The following MDN1 variants were observed in gnomAD, a reference collection of about 807,000 sequenced individuals.
MDN1 encodes the protein midasin AAA ATPase 1, also known as midasin.
A neutral mutation model predicts 669.2 loss-of-function variants in MDN1; 266 were observed. That is an observed-to-expected ratio of 0.40 (90% CI 0.36 to 0.44). The LOEUF (loss-of-function observed/expected upper bound fraction) is 0.44, where lower values mean the gene tolerates loss of function less well. Ranked by LOEUF, MDN1 falls within the 20% of genes least tolerant of loss-of-function variation. The pLI is 1.00. For missense variants in MDN1, 5,940 were observed against 6,754.0 expected, an observed-to-expected ratio of 0.88 and a Z score of 4.22; for synonymous variants, 2,385 against 2,457.1, an observed-to-expected ratio of 0.97 and a Z score of 0.87.
Position 89,674,223 on chromosome 6 carries a change from C to T in MDN1, c.13128G>A (p.Gln4376=), listed in dbSNP as rs1350443324. Residue 4376 remains glutamine, a synonymous_variant, in exon 79 of 102, where the codon CAG becomes CAA. Transcript: ENST00000369393. ...TAGTTGACTGTTGCCAAAGGTGATC[C>T]TGTTTCCGCATCCGGCAACCAGAGG... ...QLPSGCRMRK[Q]DHLWQQSTTR... is the part of the protein sequence containing the mutation. The T allele has an allele frequency of 1.9e-6, 3 of 1,614,094 alleles. No homozygotes were observed. In the African/African-American group the frequency reaches 4.0e-5, roughly 22 times the overall value.
rs1817397113 is a variant in MDN1, at chr6:89,758,950, G to A, written c.2471C>T (p.Ala824Val). The change falls in exon 18 of 102, where the codon GCT becomes GTT. Residue 824 changes from alanine to valine, a missense_variant. Ala to Val is a moderately conservative substitution (Grantham distance 64). Around this residue, in one of 5 missense-constraint regions of MDN1, gnomAD observed 1,203 missense variants for 1,268.9 expected, o/e 0.95. Coordinates refer to ENST00000369393, the MANE Select transcript of MDN1 (RefSeq NM_014611.3). Reference protein sequence around the residue: ...LLFAFVEGTLAQAVKKGEWIL... With the variant: ...LLFAFVEGTLVQAVKKGEWIL... ...CCACTCTCCTTTCTTTACAGCCTGA[G>A]CTAATGTACCCTAGAAAAAGATAAA... 1 of 1,613,322 alleles carries A rather than the reference G, an allele frequency of 6.2e-7. No homozygotes were observed. Among genetic ancestry groups the A allele is most frequent in the Admixed American group, 1.7e-5 (1 of 59,930 alleles).
At chr6:89,753,961 G>A in intron 21 of MDN1, 122 bp downstream of exon 21, 1 of 881,308 alleles carries the variant, frequency 1.1e-6, no homozygotes, top group Non-Finnish European at 1.6e-6. Context: ...CTGGTAAGAG[G>A]TATTATGGGC....
chr6:89,723,217 A>T lies in MDN1; in HGVS notation c.5779-74T>A, dbSNP rs994340682. 28 of 1,409,398 alleles carry T rather than the reference A, an allele frequency of 2.0e-5. No individual in the cohort carries two copies. The African/African-American group carries it at 3.4e-4, about 17-fold the overall frequency. The allele number at this position is 1,409,398 out of a possible 1,614,324, so 87.3% of individuals were successfully genotyped here. A position where few individuals can be genotyped will look rare whatever the true frequency, so the allele number is the denominator to read the frequency against. On this transcript the variant is annotated intron_variant, in intron 39 of 101. Coordinates refer to ENST00000369393, the MANE Select transcript of MDN1 (RefSeq NM_014611.3). ...GCACTGCATTAAGTACTAGGAATGT[A>T]CTACAAAAGCATATGTAATCTGAAA...
Position 89,712,333 on chromosome 6 carries a change from C to T in MDN1, c.7431-77G>A. On this transcript the variant is annotated intron_variant, in intron 48 of 101. Transcript: ENST00000369393. ...ACATTCCAAATAACTGAGAAAACCT[C>T]TTTCACAAATATTGGATCAAAGGTA... 3 of 1,331,078 alleles carry T rather than the reference C, an allele frequency of 2.3e-6. No homozygotes were observed. In the Admixed American group the frequency reaches 6.3e-5, roughly 28 times the overall value. The allele number at this position is 1,331,078 out of a possible 1,614,324, so 82.5% of individuals were successfully genotyped here.
intron 1 of MDN1, among the ~76,000 whole-genome samples, chr6:89,809,947 T>C (rs1768279429): frequency 7.7e-6 from 1 of 130,668 alleles, no homozygotes; most frequent in Admixed American, 9.3e-5. Context: ...GCCATGATTG[T>C]ACCACTATAC....
In MDN1 at chr6:89,687,406, A is replaced by T; in HGVS notation, c.11388T>A (p.Ser3796=). The change falls in exon 68 of 102, where the codon TCT becomes TCA. Residue 3796 remains serine, a synonymous_variant. Transcript: ENST00000369393. ...TGATCAAATCAAGATGTTTCCGCAA[A>T]GACAAAGCTCGACTTGCATTTTCCT... ...DWEENASRAL[S]LRKHLDLISQ... 2 of 1,614,144 alleles carry T rather than the reference A, an allele frequency of 1.2e-6. No homozygotes were observed. Among genetic ancestry groups the T allele is most frequent in the Non-Finnish European group, 8.5e-7 (1 of 1,180,024 alleles).
chr6:89,656,555 C>T, intron 91 of MDN1, 145 bp downstream of exon 91: 3 of 687,476 alleles, frequency 4.4e-6, no homozygotes, highest in East Asian at 5.2e-5. Context: ...GTGGTCTGCT[C>T]ACCAAGGCTG....
chr6:89,696,092 G>A (rs1812718936), intron 60 of MDN1, 100 bp from the exon 61 acceptor site: 3 of 1,437,748 alleles, frequency 2.1e-6, no homozygotes, highest in South Asian at 1.4e-5. Context: ...ACCACAGAAT[G>A]CAGCATCAAT....
intron 38 of MDN1, among the ~76,000 whole-genome samples, chr6:89,724,315 T>C (rs1454186758): frequency 2.0e-5 from 3 of 152,114 alleles, no homozygotes; most frequent in Non-Finnish European, 4.4e-5. Flanking sequence ...TGGAGTCTCA[T>C]TCTGTTGCCA....
intron 1 of MDN1, among the ~76,000 whole-genome samples, chr6:89,812,030 T>A (rs1768451893): frequency 6.6e-6 from 1 of 151,664 alleles, no homozygotes. Flanking sequence ...TCTATTGCCC[T>A]GGCTGGAGTG....
At chr6:89,711,931 G>A (rs1813959865) in intron 49 of MDN1, 105 bp downstream of exon 49, 2 of 1,064,988 alleles carry the variant, frequency 1.9e-6, no homozygotes, top group Non-Finnish European at 2.7e-6. Context: ...CCTCCCAACT[G>A]TAATTTTAAC....
In MDN1 at chr6:89,686,950, A is replaced by G. The variant is rs762658325; in HGVS notation, c.11524T>C (p.Tyr3842His). The G allele has an allele frequency of 6.2e-7, 1 of 1,613,944 alleles. No individual in the cohort carries two copies. Among genetic ancestry groups the G allele is most frequent in the Non-Finnish European group, 8.5e-7 (1 of 1,179,972 alleles). ...EKSTKHWFSI[Y>H]QMLEKHMQEQ... The stretch of plus-strand genomic sequence containing the variant: ...TGCATGTGCTTCTCAAGCATCTGAT[A>G]GATGGAGAACCAGTGCTTGGTGGAT... The change falls in exon 69 of 102, where the codon TAT becomes CAT. Residue 3842 changes from tyrosine (Y) to histidine (H), a missense_variant. This residue lies in a region of MDN1 where 2,280 missense variants were observed against 2,576.3 expected (regional missense o/e 0.88). Transcript: ENST00000369393.
chr6:89,722,447 T>C (rs191516508), intron 40 of MDN1, among the ~76,000 whole-genome samples: 1 of 152,332 alleles, frequency 6.6e-6, no homozygotes, highest in African/African-American at 2.4e-5. Flanking sequence ...GGGATTTGGA[T>C]AGATAAGCAA....
intron 83 of MDN1, among the ~76,000 whole-genome samples, chr6:89,669,234 T>A (rs1230222489): frequency 2.6e-5 from 4 of 152,230 alleles, no homozygotes; most frequent in Non-Finnish European, 5.9e-5. Context: ...CAAATCCAGC[T>A]GAGCCAAATC....
At chr6:89,711,136 A>G (rs957842501) in intron 49 of MDN1, among the ~76,000 whole-genome samples, 4 of 152,248 alleles carry the variant, frequency 2.6e-5, no homozygotes, top group Non-Finnish European at 5.9e-5. Flanking sequence ...CTCATGAAGT[A>G]GAAAGGCTCA....
chr6:89,758,409 C>T, intron 18 of MDN1, 58 bp from the exon 19 acceptor site: 2 of 1,420,488 alleles, frequency 1.4e-6, no homozygotes, highest in East Asian at 2.4e-5. Context: ...TTCCACAGAA[C>T]CCCAGGCCCA....
chr6:89,746,585 C>A (rs1406634959), intron 27 of MDN1, among the ~76,000 whole-genome samples: 1 of 84,028 alleles, frequency 1.2e-5, no homozygotes, highest in African/African-American at 5.5e-5. Flanking sequence ...CAGAGGGAGA[C>A]TCTATCTCAA....
intron 74 of MDN1, among the ~76,000 whole-genome samples, chr6:89,679,410 TGCAG>T (rs1811449053): frequency 6.6e-6 from 1 of 152,188 alleles, no homozygotes; most frequent in South Asian, 2.1e-4. Context: ...GCCTCCCTGT[TGCAG>T]GCAGTGTTAT....
At position 89,794,366 on chromosome 6, in the gene MDN1, T is replaced by A. The variant is rs554168412; in HGVS notation, c.555-159A>T. Among the ~76,000 whole-genome samples, 5 of 152,338 alleles carry A rather than the reference T, an allele frequency of 3.3e-5. No homozygotes were observed. The South Asian group carries it at 8.3e-4, about 25-fold the overall frequency. Reference sequence around the variant, plus strand: ...AATCAGGCACAATGGATTTACTTGATGGAACATGAAAAAGGTGAAACTCCA... The same window carrying A: ...AATCAGGCACAATGGATTTACTTGAAGGAACATGAAAAAGGTGAAACTCCA... On this transcript the variant is annotated intron_variant, in intron 3 of 101. Coordinates refer to ENST00000369393, the MANE Select transcript of MDN1 (RefSeq NM_014611.3).
Sources: gnomAD v4.1 joint callset for allele counts (sites outside exome capture counted in the v4.1 genomes callset) on GRCh38, gnomAD v4.1.1 for gene constraint, gnomAD v4.1.1 regional missense constraint, MANE v1.5 for transcripts, NCBI Gene and HGNC (gene_info 2026-07-23, HGNC 2026-07-21) for gene names.